The following TNIP1 variants were observed in gnomAD, a reference collection of about 807,000 sequenced individuals.
The protein encoded by TNIP1 is TNFAIP3-interacting protein 1.
In TNIP1, 22 loss-of-function variants were observed where a neutral mutation model predicts 86.6. The ratio of observed to expected loss-of-function variants is 0.25; its 90% CI spans 0.18 to 0.36. The LOEUF (loss-of-function observed/expected upper bound fraction) is 0.36. Ranked by LOEUF, TNIP1 falls within the 10% of genes least tolerant of loss-of-function variation. TNIP1 has a pLI of 1.00. For synonymous variants in TNIP1, 294 were observed against 313.0 expected, an observed-to-expected ratio of 0.94 and a Z score of 0.64; for missense variants, 709 against 820.6, an observed-to-expected ratio of 0.86 and a Z score of 1.66.
chr5:151,030,636 T>A lies in TNIP1; in HGVS notation c.*77A>T. The A allele has an allele frequency of 6.2e-7, 1 of 1,609,948 alleles. No individual in the cohort carries two copies. The highest frequency in any genetic ancestry group is 8.5e-7 in the Non-Finnish European group (1 of 1,177,718). Reference sequence around the variant, plus strand: ...TGAGGCTCTGGCCACACCGTGCAAGTGGCTTCTAGTTTCTTGGCAATCTGA... The same window carrying A: ...TGAGGCTCTGGCCACACCGTGCAAGAGGCTTCTAGTTTCTTGGCAATCTGA... On this transcript the variant is annotated 3_prime_UTR_variant, in exon 18 of 18. Coordinates refer to ENST00000521591, the MANE Select transcript of TNIP1 (RefSeq NM_006058.5).
At chr5:151,056,500 A>C (rs917456811) in intron 6 of TNIP1, among the ~76,000 whole-genome samples, 1 of 152,126 alleles carries the variant, frequency 6.6e-6, no homozygotes, top group African/African-American at 2.4e-5. Flanking sequence ...TGCACATGAG[A>C]AATAAAGGCA....
chr5:151,041,838 C>G (rs1581758684), intron 11 of TNIP1, among the ~76,000 whole-genome samples: 1 of 152,110 alleles, frequency 6.6e-6, no homozygotes, highest in African/African-American at 2.4e-5. Flanking sequence ...AAATGAAGCT[C>G]TGTCTCATGT....
At chr5:151,079,492 C>T (rs1287488920) in intron 1 of TNIP1, among the ~76,000 whole-genome samples, 1 of 151,952 alleles carries the variant, frequency 6.6e-6, no homozygotes, top group Non-Finnish European at 1.5e-5. Context: ...GGGATGGTGG[C>T]GAGTGCCTGT....
chr5:151,071,944 C>T (rs1395129895), intron 1 of TNIP1, among the ~76,000 whole-genome samples: 2 of 152,244 alleles, frequency 1.3e-5, no homozygotes, highest in South Asian at 2.1e-4. Context: ...TTAGGCGCTA[C>T]CGTATGCCAG....
intron 6 of TNIP1, among the ~76,000 whole-genome samples, chr5:151,055,875 G>T (rs537430699): frequency 1.4e-4 from 22 of 152,272 alleles, no homozygotes. Flanking sequence ...AGAAGCCTCC[G>T]TTTTGCCATC....
At position 151,080,884 on chromosome 5, in the gene TNIP1, G is replaced by A. The variant is rs780371954; in HGVS notation, c.-41C>T. 2 of 152,332 alleles carry A rather than the reference G, an allele frequency of 1.3e-5. No individual in the cohort carries two copies. The highest frequency in any genetic ancestry group is 2.9e-5 in the Non-Finnish European group (2 of 68,146). The allele number at this position is 152,332 out of a possible 1,614,324, so 9.4% of individuals were successfully genotyped here. On this transcript the variant is annotated 5_prime_UTR_variant, in exon 1 of 18. Transcript: ENST00000521591. ...GCTCCGGGCCGGCCGGCTTACCCGA[G>A]GACGGGGAGCTTGGGGACACAGCGC...
At chr5:151,055,357 G>A (rs1297623446) in intron 6 of TNIP1, among the ~76,000 whole-genome samples, 2 of 152,100 alleles carry the variant, frequency 1.3e-5, no homozygotes, top group African/African-American at 2.4e-5. Context: ...CCCTTTTAAG[G>A]GGCCTAGGAT....
At chr5:151,031,136 G>C (rs1191273975) in intron 17 of TNIP1, among the ~76,000 whole-genome samples, 2 of 152,098 alleles carry the variant, frequency 1.3e-5, no homozygotes, top group African/African-American at 2.4e-5. Context: ...CACTGAACTT[G>C]TAGGGTTCTT....
At chr5:151,065,254 T>C in intron 1 of TNIP1, 123 bp from the exon 2 acceptor site, 1 of 785,286 alleles carries the variant, frequency 1.3e-6, no homozygotes, top group Non-Finnish European at 2.0e-6. Context: ...TCTGACCATA[T>C]TATAGTAAAG....
In TNIP1 at chr5:151,036,814, C is replaced by T. The variant is rs756272775; in HGVS notation, c.1371G>A (p.Thr457=). Residue 457 remains threonine, a synonymous_variant, in exon 13 of 18, where the codon ACG becomes ACA. Coordinates refer to ENST00000521591, the MANE Select transcript of TNIP1 (RefSeq NM_006058.5). ...CCTGCTGTTTCAGCAACTCATTCTG[C>T]GTGACCAGCTCCTGTTTCCTTAGGA... ...GALLRKQELV[T]QNELLKQQVK... The T allele has an allele frequency of 1.4e-5, 23 of 1,613,962 alleles. No individual in the cohort carries two copies. The highest frequency in any genetic ancestry group is 1.6e-4 in the Middle Eastern group (1 of 6,082).
At chr5:151,054,401 C>T (rs1347081266) in intron 6 of TNIP1, among the ~76,000 whole-genome samples, 1 of 152,188 alleles carries the variant, frequency 6.6e-6, no homozygotes, top group Non-Finnish European at 1.5e-5. Context: ...AGAGAACCAG[C>T]TGGGCATGGT....
intron 15 of TNIP1, 47 bp from the exon 16 acceptor site, chr5:151,033,846 A>G (rs1757267972): frequency 1.5e-6 from 2 of 1,355,936 alleles, no homozygotes; most frequent in African/African-American, 1.5e-5. Flanking sequence ...CAGGCTGCAA[A>G]GGACACCCAT....
chr5:151,043,261 T>C (rs909083944), intron 9 of TNIP1, among the ~76,000 whole-genome samples: 18 of 152,236 alleles, frequency 1.2e-4, no homozygotes, highest in East Asian at 3.8e-4. Context: ...TCTGGGATTA[T>C]GTATTGAAAT....
At chr5:151,060,105 G>A (rs967486986) in intron 5 of TNIP1, among the ~76,000 whole-genome samples, 1 of 152,156 alleles carries the variant, frequency 6.6e-6, no homozygotes. Context: ...CACAACGGTC[G>A]GGTGCCCGTG....
intron 1 of TNIP1, among the ~76,000 whole-genome samples, chr5:151,076,548 C>G (rs1161632927): frequency 2.6e-5 from 4 of 152,188 alleles, no homozygotes; most frequent in Non-Finnish European, 5.9e-5. Context: ...CAAAGGCGAA[C>G]AGACGTGCCC....
chr5:151,058,950 C>T (rs567725175), intron 5 of TNIP1, among the ~76,000 whole-genome samples: 4 of 152,314 alleles, frequency 2.6e-5, no homozygotes, highest in Non-Finnish European at 5.9e-5. Flanking sequence ...TGTGTAATGG[C>T]GTCAGTGTGC....
At chr5:151,057,311 A>G (rs1198821512) in intron 5 of TNIP1, among the ~76,000 whole-genome samples, 1 of 152,130 alleles carries the variant, frequency 6.6e-6, no homozygotes, top group Non-Finnish European at 1.5e-5. Flanking sequence ...GGTTCTTAGG[A>G]GGATGAATTG....
At chr5:151,033,929 C>A in intron 15 of TNIP1, 130 bp from the exon 16 acceptor site, 1 of 753,704 alleles carries the variant, frequency 1.3e-6, no homozygotes, top group South Asian at 3.0e-5. Context: ...GGTATGTGGT[C>A]ATGAAAGGCT....
chr5:151,068,269 G>A (rs1042935653), intron 1 of TNIP1, among the ~76,000 whole-genome samples: 15 of 152,196 alleles, frequency 9.9e-5, no homozygotes, highest in African/African-American at 3.6e-4. Flanking sequence ...ATGCCCAGAT[G>A]GTCAGCGGCA....
Sources: allele counts gnomAD v4.1 joint callset (sites outside exome capture counted in the v4.1 genomes callset), GRCh38; gene constraint gnomAD v4.1.1; transcripts MANE v1.5; gene names NCBI Gene and HGNC (gene_info 2026-07-23, HGNC 2026-07-21).